Variants in SUPT3H observed in about 807,000 individuals in gnomAD.
The protein encoded by SUPT3H is transcription initiation protein SPT3 homolog.
Under a neutral mutation model 44.3 loss-of-function variants are expected in SUPT3H, and 44 were observed. That is an observed-to-expected ratio of 0.99 (90% CI 0.78 to 1.28). SUPT3H has a LOEUF of 1.28. Among genes scored for constraint, SUPT3H ranks in the 50% most tolerant of loss-of-function variants. SUPT3H has a pLI of 0.00. For synonymous variants in SUPT3H, 124 were observed against 125.6 expected (o/e 0.99, Z 0.09); for missense variants, 380 against 387.1 (o/e 0.98, Z 0.15).
chr6:44,860,476 C>T (rs1774473157), intron 10 of SUPT3H, among the ~76,000 whole-genome samples: 1 of 152,186 alleles, frequency 6.6e-6, no homozygotes, highest in African/African-American at 2.4e-5. Flanking sequence ...TCTCATTGTA[C>T]AGTTGAGCTT....
rs537491475 is a variant in SUPT3H, at chr6:45,062,960, C to A, written c.187-42328G>T. On this transcript the variant is annotated intron_variant, in intron 3 of 10. Coordinates refer to ENST00000371459, the MANE Select transcript of SUPT3H (RefSeq NM_003599.4). ...AACTCGAACTGGGTGGAGCCCACCA[C>A]AGCTCAAGGAGACCTGCCTGCCTCT... Among the ~76,000 whole-genome samples the A allele has an allele frequency of 3.1e-4, 47 of 151,952 alleles. 2 individuals carry two copies. The highest frequency in any genetic ancestry group is 1.1e-3 in the African/African-American group (44 of 41,248).
intron 2 of SUPT3H, among the ~76,000 whole-genome samples, chr6:45,271,880 C>CGCAA (rs1178023628): frequency 1.3e-5 from 2 of 152,182 alleles, no homozygotes; most frequent in Non-Finnish European, 2.9e-5. Context: ...GAACCCACCT[C>CGCAA]TTGCATCAGT....
intron 2 of SUPT3H, among the ~76,000 whole-genome samples, chr6:45,181,537 TA>T (rs1813186529): frequency 1.3e-5 from 2 of 151,782 alleles, no homozygotes; most frequent in South Asian, 4.2e-4. Flanking sequence ...TATGCAGCCA[TA>T]AAAAATGATG....
At chr6:45,254,142 G>A (rs942456644) in intron 2 of SUPT3H, among the ~76,000 whole-genome samples, 1 of 151,938 alleles carries the variant, frequency 6.6e-6, no homozygotes, top group Non-Finnish European at 1.5e-5. Flanking sequence ...TGGGATAAAA[G>A]TCTGGGGCAG....
chr6:45,084,209 T>C (rs1796192497), intron 3 of SUPT3H, among the ~76,000 whole-genome samples: 1 of 152,072 alleles, frequency 6.6e-6, no homozygotes, highest in Non-Finnish European at 1.5e-5. Flanking sequence ...GTTAGAAAAC[T>C]TGCAGAATGG....
intron 6 of SUPT3H, among the ~76,000 whole-genome samples, chr6:44,978,549 A>G (rs1406094807): frequency 1.3e-5 from 2 of 152,214 alleles, no homozygotes; most frequent in African/African-American, 4.8e-5. Context: ...AATGATGCAG[A>G]GGGAAGAGAT....
At chr6:45,102,786 C>A (rs1037539721) in intron 3 of SUPT3H, among the ~76,000 whole-genome samples, 31 of 151,704 alleles carry the variant, frequency 2.0e-4, no homozygotes, top group Admixed American at 1.9e-3. Context: ...CCTAAAAATA[C>A]AAAAAATTAG....
In SUPT3H at chr6:45,134,606, T is replaced by G. The variant is rs149894599; in HGVS notation, c.102-28600A>C. Among the ~76,000 whole-genome samples the G allele has an allele frequency of 3.8e-4, 57 of 151,998 alleles. 1 individual carries two copies. In the East Asian group the frequency reaches 9.9e-3, roughly 26 times the overall value. ...GCTGTGAGCCTATGAAAACAACAAGTACTGCAAAAATAAAATGAGGGTGAA... is the reference window on the plus strand; with the variant it reads ...GCTGTGAGCCTATGAAAACAACAAGGACTGCAAAAATAAAATGAGGGTGAA... On this transcript the variant is annotated intron_variant, in intron 2 of 10. Transcript: ENST00000371459.
chr6:44,855,448 A>T (rs574541206), intron 10 of SUPT3H, among the ~76,000 whole-genome samples: 2 of 152,134 alleles, frequency 1.3e-5, no homozygotes, highest in Non-Finnish European at 2.9e-5. Context: ...TTGCTCTCCT[A>T]ATGAAACTGT....
At chr6:45,112,407 T>A (rs1324538) in intron 2 of SUPT3H, among the ~76,000 whole-genome samples, 49,100 of 151,182 alleles carry the variant, frequency 0.32, 8,899 homozygotes, top group East Asian at 0.57. Flanking sequence ...TCCTTAAATT[T>A]AAAAAAAAAG....
intron 6 of SUPT3H, among the ~76,000 whole-genome samples, chr6:44,976,840 A>G (rs1410924076): frequency 6.6e-6 from 1 of 152,242 alleles, no homozygotes. Context: ...TATTTCAAGT[A>G]GCCTGAACAC....
intron 3 of SUPT3H, among the ~76,000 whole-genome samples, chr6:45,105,041 T>C (rs1799080706): frequency 6.6e-6 from 1 of 151,844 alleles, no homozygotes; most frequent in Non-Finnish European, 1.5e-5. Context: ...CTGTAATAAA[T>C]GCCATACTAG....
At chr6:45,206,210 T>C (rs1244844126) in intron 2 of SUPT3H, among the ~76,000 whole-genome samples, 1 of 152,114 alleles carries the variant, frequency 6.6e-6, no homozygotes, top group African/African-American at 2.4e-5. Context: ...TATGAATAAA[T>C]GAATATGTAA....
chr6:45,289,143 T>C (rs1584732821), intron 2 of SUPT3H, among the ~76,000 whole-genome samples: 1 of 152,172 alleles, frequency 6.6e-6, no homozygotes. Context: ...AGCATACTAT[T>C]GCACTCTTAT....
At chr6:45,038,405 C>G (rs1487237312) in intron 3 of SUPT3H, among the ~76,000 whole-genome samples, 1 of 152,096 alleles carries the variant, frequency 6.6e-6, no homozygotes, top group African/African-American at 2.4e-5. Flanking sequence ...TAACACCCAC[C>G]AACAGCTCAC....
intron 2 of SUPT3H, among the ~76,000 whole-genome samples, chr6:45,131,486 C>T (rs1277386372): frequency 6.6e-6 from 1 of 150,870 alleles, no homozygotes; most frequent in Non-Finnish European, 1.5e-5. Flanking sequence ...TGTTTATTTC[C>T]AAGCCTATAT....
At chr6:44,968,293 A>G (rs115813848) in intron 6 of SUPT3H, among the ~76,000 whole-genome samples, 2,972 of 152,330 alleles carry the variant, frequency 0.02, 55 homozygotes, top group South Asian at 0.091. Context: ...ATGCGGCAAC[A>G]TGTAAATTAT....
intron 6 of SUPT3H, among the ~76,000 whole-genome samples, chr6:44,964,926 G>A (rs565059465): frequency 8.3e-4 from 126 of 152,250 alleles, no homozygotes; most frequent in African/African-American, 2.8e-3. Flanking sequence ...TTTGTCAAAG[G>A]TGGACTAAGT....
chr6:44,904,968 T>C (rs962752926), intron 10 of SUPT3H, among the ~76,000 whole-genome samples: 14 of 152,234 alleles, frequency 9.2e-5, no homozygotes, highest in African/African-American at 2.7e-4. Context: ...GCTGGCCATA[T>C]GTAGAAAGCT....
Sources: gnomAD v4.1 joint callset for allele counts (sites outside exome capture counted in the v4.1 genomes callset) on GRCh38, gnomAD v4.1.1 for gene constraint, MANE v1.5 for transcripts, NCBI Gene and HGNC (gene_info 2026-07-23, HGNC 2026-07-21) for gene names.